The following PCDHA5 variants were observed in gnomAD, a reference collection of about 807,000 sequenced individuals.
The protein encoded by PCDHA5 is protocadherin alpha 5.
PCDHA5 carries 43 observed loss-of-function variants against 61.6 expected under a neutral mutation model. The observed-to-expected ratio is 0.70, with a 90% confidence interval of 0.55 to 0.90. The LOEUF is 0.90. PCDHA5 is among the 40% of genes least tolerant of loss of function. The probability of loss-of-function intolerance (pLI) is 0.00; values close to 1 mark genes in which losing one functional copy is unlikely to be tolerated. For synonymous variants in PCDHA5, 627 were observed against 543.9 expected (o/e 1.15, Z -2.13); for missense variants, 1,298 against 1,222.7 (o/e 1.06, Z -0.92).
chr5:140,912,612 A>T (rs1286245692), intron 1 of PCDHA5, among the ~76,000 whole-genome samples: 1 of 151,994 alleles, frequency 6.6e-6, no homozygotes, highest in South Asian at 2.1e-4. Context: ...CTCTTGTCTG[A>T]TTACTCTGGA....
chr5:140,928,701 G>T, intron 1 of PCDHA5: 1 of 1,614,132 alleles, frequency 6.2e-7, no homozygotes, highest in Non-Finnish European at 8.5e-7. Context: ...TCTCCCGGGC[G>T]TCTGACTCTA....
intron 3 of PCDHA5, among the ~76,000 whole-genome samples, chr5:140,983,386 A>G (rs1426409765): frequency 2.6e-5 from 4 of 152,216 alleles, no homozygotes. Context: ...TCGCTGTGGC[A>G]GTTTTCAGAA....
intron 1 of PCDHA5, chr5:140,861,590 GA>G: frequency 2.7e-6 from 1 of 372,284 alleles, no homozygotes; most frequent in South Asian, 2.5e-5. Flanking sequence ...ATGTGGAGGT[GA>G]AAGTGAAGAA....
intron 1 of PCDHA5, chr5:140,842,446 C>G: frequency 6.2e-7 from 1 of 1,613,788 alleles, no homozygotes; most frequent in Non-Finnish European, 8.5e-7. Flanking sequence ...TTAGCGTGAA[C>G]GACCTCGATT....
At chr5:140,849,606 C>A (rs2150442387) in intron 1 of PCDHA5, 1 of 1,598,692 alleles carries the variant, frequency 6.3e-7, no homozygotes, top group East Asian at 2.2e-5. Context: ...AGTTATTGCC[C>A]TGATTAGTGT....
chr5:140,966,260 A>C, intron 1 of PCDHA5: 1 of 339,990 alleles, frequency 2.9e-6, no homozygotes, highest in Admixed American at 4.8e-5. Context: ...GACGGTGGAG[A>C]CTGGATGAAC....
At chr5:140,911,299 T>A (rs1583781432) in intron 1 of PCDHA5, among the ~76,000 whole-genome samples, 1 of 152,154 alleles carries the variant, frequency 6.6e-6, no homozygotes, top group Non-Finnish European at 1.5e-5. Flanking sequence ...CTTTTACATA[T>A]CCCCATTCCA....
chr5:140,953,127 G>A (rs909395659), intron 1 of PCDHA5, among the ~76,000 whole-genome samples: 2 of 152,060 alleles, frequency 1.3e-5, no homozygotes, highest in African/African-American at 4.8e-5. Flanking sequence ...GATCTAAACC[G>A]TATCACTGTT....
intron 1 of PCDHA5, chr5:140,863,386 T>C (rs1554158163): frequency 9.7e-7 from 1 of 1,032,576 alleles, no homozygotes; most frequent in South Asian, 1.2e-5. Flanking sequence ...CGAGAGCTCG[T>C]GCATGCCGGG....
At chr5:140,829,705 C>G (rs2150172886) in intron 1 of PCDHA5, 4 of 1,613,374 alleles carry the variant, frequency 2.5e-6, no homozygotes, top group East Asian at 4.5e-5. Context: ...TGAGCGCGCG[C>G]GACGCGGGCG....
At chr5:140,885,267 C>CAT (rs1219745687) in intron 1 of PCDHA5, among the ~76,000 whole-genome samples, 1 of 151,978 alleles carries the variant, frequency 6.6e-6, no homozygotes, top group East Asian at 1.9e-4. Context: ...ATTACTCATA[C>CAT]ATATATATAT....
At chr5:140,923,826 T>A (rs2081533545) in intron 1 of PCDHA5, among the ~76,000 whole-genome samples, 1 of 152,218 alleles carries the variant, frequency 6.6e-6, no homozygotes, top group East Asian at 1.9e-4. Context: ...TAGACGTCAG[T>A]GGCAGTTTAA....
intron 1 of PCDHA5, chr5:140,930,401 T>G (rs1554207785): frequency 6.6e-6 from 1 of 152,210 alleles, no homozygotes; most frequent in African/African-American, 2.4e-5. Context: ...TTCTTTTTTT[T>G]TTTTGAGACA....
intron 1 of PCDHA5, among the ~76,000 whole-genome samples, chr5:140,955,670 T>C (rs1212129993): frequency 6.6e-6 from 1 of 152,140 alleles, no homozygotes; most frequent in East Asian, 1.9e-4. Flanking sequence ...TTTAACATAG[T>C]TTTTTCGAAA....
At chr5:140,977,356 TA>T (rs2096758024) in intron 1 of PCDHA5, among the ~76,000 whole-genome samples, 1 of 152,250 alleles carries the variant, frequency 6.6e-6, no homozygotes, top group South Asian at 2.1e-4. Flanking sequence ...GACTGATTGA[TA>T]AAAAGTATTT....
At chr5:140,976,753 G>A (rs2096729890) in intron 1 of PCDHA5, among the ~76,000 whole-genome samples, 1 of 152,130 alleles carries the variant, frequency 6.6e-6, no homozygotes. Context: ...CCTCCCAGAT[G>A]CCAGAAGCCT....
chr5:140,914,944 CTTTTTT>C (rs35695909), intron 1 of PCDHA5, among the ~76,000 whole-genome samples: 1 of 128,266 alleles, frequency 7.8e-6, no homozygotes, highest in Non-Finnish European at 1.7e-5. Flanking sequence ...GAAAAGTTGT[CTTTTTT>C]TTTTTTTTTT....
intron 1 of PCDHA5, among the ~76,000 whole-genome samples, chr5:140,895,468 CCT>C (rs2065019844): frequency 6.6e-6 from 1 of 152,130 alleles, no homozygotes; most frequent in Non-Finnish European, 1.5e-5. Flanking sequence ...ATTTCTTTAT[CCT>C]CTTCGGAGAA....
intron 1 of PCDHA5, among the ~76,000 whole-genome samples, chr5:140,961,969 C>T (rs188846719): frequency 1.5e-4 from 23 of 151,904 alleles, no homozygotes; most frequent in African/African-American, 5.1e-4. Flanking sequence ...CTGCAACCTC[C>T]GCCTCCTGGG....
Sources: gnomAD v4.1 joint callset for allele counts (sites outside exome capture counted in the v4.1 genomes callset) on GRCh38, gnomAD v4.1.1 for gene constraint, MANE v1.5 for transcripts, NCBI Gene and HGNC (gene_info 2026-07-23, HGNC 2026-07-21) for gene names.